The following ZNF254 variants were observed in gnomAD, a reference collection of about 807,000 sequenced individuals.
The protein encoded by ZNF254 is zinc finger protein 254, also known as CTD-2017D11.1.
In ZNF254, 10 loss-of-function variants were observed where a neutral mutation model predicts 12.4. The ratio of observed to expected loss-of-function variants is 0.80; its 90% CI spans 0.50 to 1.36. The LOEUF is 1.36. Among genes scored for constraint, ZNF254 ranks in the 40% most tolerant of loss-of-function variants. ZNF254 has a pLI of 0.00. For missense variants in ZNF254, 996 were observed against 763.9 expected, an observed-to-expected ratio of 1.30 and a Z score of -3.58; for synonymous variants, 305 against 253.4, an observed-to-expected ratio of 1.20 and a Z score of -1.93.
chr19:24,063,616 A>G (rs1971158515), intron 2 of ZNF254, among the ~76,000 whole-genome samples: 1 of 152,128 alleles, frequency 6.6e-6, no homozygotes, highest in Admixed American at 6.6e-5. Context: ...GTCTTCACCA[A>G]TCACCCTGGA....
At chr19:24,086,995 G>A (rs1221314811), upstream of ZNF254, among the ~76,000 whole-genome samples, 2 of 152,184 alleles carry the variant, frequency 1.3e-5, no homozygotes, top group African/African-American at 4.8e-5. Flanking sequence ...GCTCAGGGAG[G>A]AAGCCCTGCC....
At chr19:24,117,396 T>A (rs906267009) in intron 3 of ZNF254, among the ~76,000 whole-genome samples, 22 of 152,290 alleles carry the variant, frequency 1.4e-4, no homozygotes, top group Non-Finnish European at 2.8e-4. Flanking sequence ...GCCTGGGCAA[T>A]GGCGGGTGCC....
At position 24,128,807 on chromosome 19, in the gene ZNF254, TACAA is replaced by T. The variant is rs1176418700; in HGVS notation, c.*831_*834del. 3.9e-5 allele frequency: 6 copies of T among 152,154 alleles called. No homozygotes were observed. Among genetic ancestry groups the T allele is most frequent in the South Asian group, 2.1e-4 (1 of 4,828 alleles). 9.4% of individuals were successfully genotyped at this position (152,154 alleles called of 1,614,324 possible). ...TCAGAGTGCTGAGTATAGAAAATAA[TACAA>T]ACAGATTTGTCTAAACATTTGTATA... On this transcript the variant is annotated 3_prime_UTR_variant, in exon 4 of 4. Transcript: ENST00000357002.
At chr19:24,036,541 T>C (rs1969974746) in intron 1 of ZNF254, among the ~76,000 whole-genome samples, 2 of 152,202 alleles carry the variant, frequency 1.3e-5, no homozygotes, top group African/African-American at 4.8e-5. Flanking sequence ...GGGTCTATGC[T>C]GACTCAAGGA....
intron 2 of ZNF254, among the ~76,000 whole-genome samples, chr19:24,051,088 T>G (rs1380847129): frequency 6.6e-6 from 1 of 152,192 alleles, no homozygotes; most frequent in Non-Finnish European, 1.5e-5. Flanking sequence ...GTTATGTGAC[T>G]CCACACTTCT....
chr19:24,118,294 C>G (rs374131774), intron 3 of ZNF254, among the ~76,000 whole-genome samples: 5 of 152,120 alleles, frequency 3.3e-5, no homozygotes, highest in Admixed American at 2.6e-4. Flanking sequence ...CCTCAAAATC[C>G]GCCCGCATCA....
chr19:24,045,667 CAAA>C (rs35872820), intron 1 of ZNF254, among the ~76,000 whole-genome samples: 10 of 88,798 alleles, frequency 1.1e-4, no homozygotes, highest in Admixed American at 1.2e-4. Flanking sequence ...GACTCTGTCT[CAAA>C]AAAAAAAAAA....
chr19:24,067,206 T>G (rs1326957291), intron 2 of ZNF254, among the ~76,000 whole-genome samples: 1 of 152,080 alleles, frequency 6.6e-6, no homozygotes, highest in Non-Finnish European at 1.5e-5. Context: ...CTATTTTATG[T>G]GACTCTCCTC....
chr19:24,048,358 T>C (rs73520396), intron 2 of ZNF254, among the ~76,000 whole-genome samples: 24,240 of 152,284 alleles, frequency 0.16, 2,101 homozygotes, highest in Middle Eastern at 0.23. Context: ...AGGGTGGAAC[T>C]GGTGGGCTTC....
Position 24,127,771 on chromosome 19 carries a change from A to G in ZNF254, c.1771A>G (p.Lys591Glu), listed in dbSNP as rs1568481022. ...KSFNRSSTFT[K>E]HKVIHTGVKP... ...TTTTAACCGGTCTTCAACTTTTACT[A>G]AACATAAGGTAATTCATACTGGAGT... The change falls in exon 4 of 4, where the codon AAA becomes GAA. Residue 591 changes from lysine (K) to glutamate (E), a missense_variant. Transcript: ENST00000357002. The G allele has an allele frequency of 3.1e-6, 5 of 1,612,398 alleles. No homozygotes were observed. The African/African-American group carries it at 4.0e-5, about 13-fold the overall frequency.
chr19:24,111,247 C>A (rs985906312), intron 3 of ZNF254, among the ~76,000 whole-genome samples: 2 of 152,040 alleles, frequency 1.3e-5, no homozygotes, highest in African/African-American at 2.4e-5. Flanking sequence ...ATGATGATTT[C>A]CAGTTTCATC....
intron 1 of ZNF254, among the ~76,000 whole-genome samples, chr19:24,045,961 C>A (rs1401092122): frequency 1.3e-5 from 2 of 151,994 alleles, no homozygotes; most frequent in African/African-American, 4.8e-5. Flanking sequence ...TGTTTCCAGC[C>A]CTCCCCCTTA....
At chr19:24,037,465 G>A (rs1295378308) in intron 1 of ZNF254, among the ~76,000 whole-genome samples, 1 of 151,972 alleles carries the variant, frequency 6.6e-6, no homozygotes, top group Non-Finnish European at 1.5e-5. Context: ...ACTGAGTCTT[G>A]CTCTGTCACC....
intron 2 of ZNF254, 29 bp from the exon 3 acceptor site, chr19:24,106,519 G>T: frequency 6.5e-7 from 1 of 1,538,586 alleles, no homozygotes; most frequent in Non-Finnish European, 8.8e-7. Context: ...ATATAAGCAA[G>T]ATTCATTTAG....
chr19:24,051,821 A>G (rs1433416778), intron 2 of ZNF254, among the ~76,000 whole-genome samples: 1 of 152,170 alleles, frequency 6.6e-6, no homozygotes, highest in South Asian at 2.1e-4. Flanking sequence ...CACATAGGTG[A>G]TGTGACTCTT....
intron 3 of ZNF254, among the ~76,000 whole-genome samples, chr19:24,122,906 A>G (rs1270625129): frequency 6.6e-6 from 1 of 152,154 alleles, no homozygotes; most frequent in Non-Finnish European, 1.5e-5. Flanking sequence ...TTTCACCTTT[A>G]TACTCATACC....
chr19:24,044,546 A>AG lies in ZNF254; in HGVS notation c.-189-1638_-189-1637insG, dbSNP rs1478490893. ...GAGCGAGACTCAGTCTCAAAAAAAAAAATAAATAAATAAATACAAAAATAG... is the reference window on the plus strand; with the variant it reads ...GAGCGAGACTCAGTCTCAAAAAAAAAGAATAAATAAATAAATACAAAAATAG... On this transcript the variant is annotated intron_variant, in intron 1 of 4. Coordinates refer to the ZNF254 transcript ENST00000613065. 1.9e-4 allele frequency among the ~76,000 whole-genome samples: 28 copies of AG among 145,082 alleles called. No homozygotes were observed. In the East Asian group the frequency reaches 5.2e-3, roughly 27 times the overall value.
At chr19:24,081,695 G>A (rs1971850608) in intron 2 of ZNF254, among the ~76,000 whole-genome samples, 1 of 152,094 alleles carries the variant, frequency 6.6e-6, no homozygotes, top group Non-Finnish European at 1.5e-5. Context: ...GTGAAGACTG[G>A]CAAATAGACT....
intron 3 of ZNF254, among the ~76,000 whole-genome samples, chr19:24,116,915 C>G (rs1306307512): frequency 1.3e-5 from 2 of 152,264 alleles, no homozygotes; most frequent in Admixed American, 6.5e-5. Context: ...TTCTAACAGA[C>G]AGGACCCTCA....
Sources: gnomAD v4.1 joint callset for allele counts (sites outside exome capture counted in the v4.1 genomes callset) on GRCh38, gnomAD v4.1.1 for gene constraint, MANE v1.5 for transcripts, NCBI Gene and HGNC (gene_info 2026-07-23, HGNC 2026-07-21) for gene names.